The following SASH1 variants were observed in gnomAD, a reference collection of about 807,000 sequenced individuals.
The protein encoded by SASH1 is SAM and SH3 domain-containing protein 1.
A neutral mutation model predicts 125.2 loss-of-function variants in SASH1; 44 were observed. That is an observed-to-expected ratio of 0.35 (90% confidence interval 0.28 to 0.45). SASH1 has a LOEUF of 0.45. Ranked by LOEUF, SASH1 falls within the 20% of genes least tolerant of loss-of-function variation. The pLI is 1.00. For missense variants in SASH1, 1,426 were observed against 1,614.5 expected, an observed-to-expected ratio of 0.88 and a Z score of 2.00; for synonymous variants, 639 against 649.1, an observed-to-expected ratio of 0.98 and a Z score of 0.24.
the SASH1 span, among the ~76,000 whole-genome samples, chr6:148,195,196 A>T: frequency 2.6e-5 from 4 of 152,196 alleles, no homozygotes; most frequent in East Asian, 7.7e-4. Flanking sequence ...AGGTTTTTTT[A>T]AATGTCTTTA....
chr6:148,417,581 C>CAAAAAAAAAAAAAAAT (rs1356946579), intron 2 of SASH1, among the ~76,000 whole-genome samples: 58 of 68,686 alleles, frequency 8.4e-4, no homozygotes, highest in African/African-American at 2.6e-3. Context: ...GGGACTCTGT[C>CAAAAAAAAAAAAAAAT]AAAATAAATA....
intron 4 of SASH1, among the ~76,000 whole-genome samples, chr6:148,460,774 T>C (rs1428771340): frequency 6.6e-6 from 1 of 152,250 alleles, no homozygotes; most frequent in East Asian, 1.9e-4. Context: ...TTAATCATTA[T>C]GTGTGTTGTT....
chr6:148,525,707 A>G (rs562653904), intron 11 of SASH1, among the ~76,000 whole-genome samples: 12 of 151,018 alleles, frequency 7.9e-5, no homozygotes, highest in African/African-American at 2.9e-4. Flanking sequence ...GCAAGCATGT[A>G]ACTACTACAC....
chr6:148,268,270 A>G (rs565168541), upstream of SASH1, among the ~76,000 whole-genome samples: 214 of 152,346 alleles, frequency 1.4e-3, no homozygotes, highest in Non-Finnish European at 2.2e-3. Context: ...TTTGATGTCC[A>G]CAAAGAGAGC....
chr6:148,206,083 A>G, the SASH1 span, among the ~76,000 whole-genome samples: 2 of 152,196 alleles, frequency 1.3e-5, no homozygotes, highest in East Asian at 3.8e-4. Context: ...CATAAAGATA[A>G]ATAATTAAAA....
intron 1 of SASH1, among the ~76,000 whole-genome samples, chr6:148,284,807 C>A (rs1164866749): frequency 6.6e-6 from 1 of 152,104 alleles, no homozygotes; most frequent in Non-Finnish European, 1.5e-5. Flanking sequence ...CTATAATGAA[C>A]TTTTGGCATA....
chr6:148,475,702 A>G (rs1275937055), intron 7 of SASH1, among the ~76,000 whole-genome samples: 1 of 152,186 alleles, frequency 6.6e-6, no homozygotes, highest in Admixed American at 6.5e-5. Flanking sequence ...ACAATGGCAC[A>G]CATATACTCA....
In SASH1 at chr6:148,467,088, CTTTTTTTTTTTTTT is replaced by C. The variant is rs71004298; in HGVS notation, c.387-1445_387-1432del. The stretch of plus-strand genomic sequence containing the variant: ...CTCCACACTCTACTGTTCCCTGTTC[CTTTTTTTTTTTTTT>C]TTTTTTTTTTTGGTGATACAGTTTC... On this transcript the variant is annotated intron_variant, in intron 4 of 19. Transcript: ENST00000367467. Among the ~76,000 whole-genome samples, 245 of 69,978 alleles carry C rather than the reference CTTTTTTTTTTTTTT, an allele frequency of 3.5e-3. No individual in the cohort carries two copies. In the East Asian group the frequency reaches 0.054, roughly 16 times the overall value. The allele number at this position is 69,978 out of a possible 152,430, so 45.9% of individuals were successfully genotyped here. A position where few individuals can be genotyped will look rare whatever the true frequency, so the allele number is the denominator to read the frequency against.
chr6:148,303,261 T>C (rs1780023838), intron 1 of SASH1, among the ~76,000 whole-genome samples: 1 of 152,090 alleles, frequency 6.6e-6, no homozygotes, highest in South Asian at 2.1e-4. Flanking sequence ...ATTACAGGTA[T>C]AAGCCACCAT....
At chr6:148,542,880 G>GCA (rs1562500365) in intron 17 of SASH1, among the ~76,000 whole-genome samples, 2 of 143,146 alleles carry the variant, frequency 1.4e-5, no homozygotes, top group South Asian at 2.2e-4. Context: ...GTGTGTGTGT[G>GCA]CGCGCGCACA....
intron 1 of SASH1, among the ~76,000 whole-genome samples, chr6:148,320,198 T>C: frequency 6.6e-6 from 1 of 152,334 alleles, no homozygotes; most frequent in East Asian, 1.9e-4. Context: ...AGGAATTCAC[T>C]GGGGGTTGGG....
chr6:148,466,766 G>C (rs1777855640), intron 4 of SASH1, among the ~76,000 whole-genome samples: 1 of 152,006 alleles, frequency 6.6e-6, no homozygotes, highest in African/African-American at 2.4e-5. Flanking sequence ...TAAAGAGACA[G>C]TGTCTCACTA....
Position 148,533,571 on chromosome 6 carries a change from ACAGT to A in SASH1, c.1735-196_1735-193del, listed in dbSNP as rs1250620456. Among the ~76,000 whole-genome samples the A allele has an allele frequency of 6.6e-6, 1 of 152,096 alleles. No homozygotes were observed. The highest frequency in any genetic ancestry group is 2.1e-4 in the South Asian group (1 of 4,824). On this transcript the variant is annotated intron_variant, in intron 14 of 19. Transcript: ENST00000367467. The surrounding 1 kb of genome is among the most constrained non-coding windows in gnomAD (Gnocchi z 6.2). ...ACCGGGGGCCTGCGTGGAATTCCGT[ACAGT>A]CAGAGACACCTGTCTGGCCTCTGCG... is the stretch of plus-strand genomic sequence containing the variant.
At position 148,286,579 on chromosome 6, in the gene SASH1, C is replaced by T. The variant is rs571865459; in HGVS notation, n.74+14202C>T. Among the ~76,000 whole-genome samples, 21 of 152,144 alleles carry T rather than the reference C, an allele frequency of 1.4e-4. No homozygotes were observed. In the East Asian group the frequency reaches 1.6e-3, roughly 11 times the overall value. On this transcript the variant is annotated intron_variant and non_coding_transcript_variant, in intron 1 of 3. Coordinates refer to the SASH1 transcript ENST00000367469. ...AAGGTGTCCACAGGATTGGTGTCTC[C>T]GGAGGCCTCTCTCCTTGGCTTGAGG...
rs182859339 is a variant in SASH1, at chr6:148,460,266, A to G, written c.387-8279A>G. ...TTTTGAGACATCTTATATAGAAGGAATAGGCTGACTTAAAGTGGTTCTGAT... is the reference window on the plus strand; with the variant it reads ...TTTTGAGACATCTTATATAGAAGGAGTAGGCTGACTTAAAGTGGTTCTGAT... On this transcript the variant is annotated intron_variant, in intron 4 of 19. Transcript: ENST00000367467. 7.4e-4 allele frequency among the ~76,000 whole-genome samples: 112 copies of G among 152,324 alleles called. 1 individual carries two copies. Among genetic ancestry groups the G allele is most frequent in the Admixed American group, 3.1e-3 (47 of 15,294 alleles).
At chr6:148,424,147 C>A (rs187568161) in intron 2 of SASH1, among the ~76,000 whole-genome samples, 66 of 152,090 alleles carry the variant, frequency 4.3e-4, no homozygotes, top group African/African-American at 1.5e-3. Context: ...CCTCCTCCCC[C>A]ATCCTTTTTA....
chr6:148,240,139 G>C, the SASH1 span: 1 of 148,736 alleles, frequency 6.7e-6, no homozygotes, highest in Admixed American at 6.7e-5. Context: ...CTAAGAGGAA[G>C]AACATTTCTG....
chr6:148,328,956 C>T (rs1780914596), intron 1 of SASH1, among the ~76,000 whole-genome samples: 1 of 152,136 alleles, frequency 6.6e-6, no homozygotes, highest in African/African-American at 2.4e-5. Flanking sequence ...TTCTTCCTTT[C>T]ATGTGTGTTC....
intron 2 of SASH1, among the ~76,000 whole-genome samples, chr6:148,432,694 T>C (rs1656522224): frequency 6.6e-6 from 1 of 152,214 alleles, no homozygotes; most frequent in Non-Finnish European, 1.5e-5. Context: ...CCCTCCTGCT[T>C]TTCCAGCTGT....
Sources: gnomAD v4.1 joint callset for allele counts (sites outside exome capture counted in the v4.1 genomes callset) on GRCh38, gnomAD v4.1.1 for gene constraint, Gnocchi (gnomAD v3.1) non-coding constraint, MANE v1.5 for transcripts, NCBI Gene and HGNC (gene_info 2026-07-23, HGNC 2026-07-21) for gene names.